Variants in RPTOR observed in about 807,000 individuals in gnomAD.
RPTOR encodes regulatory associated protein of MTOR complex 1, also known as regulatory-associated protein of mTOR.
Under a neutral mutation model 169.9 loss-of-function variants are expected in RPTOR, and 21 were observed. The ratio of observed to expected loss-of-function variants is 0.12; its 90% CI spans 0.09 to 0.18. The LOEUF (loss-of-function observed/expected upper bound fraction) is 0.18, where lower values mean the gene tolerates loss of function less well. Among genes scored for constraint, RPTOR ranks in the 10% least tolerant of loss-of-function variants. The probability of loss-of-function intolerance (pLI) is 1.00; values close to 1 mark genes in which losing one functional copy is unlikely to be tolerated. For missense variants in RPTOR, 1,133 were observed against 1,855.9 expected, an observed-to-expected ratio of 0.61 and a Z score of 7.16; for synonymous variants, 732 against 753.2, an observed-to-expected ratio of 0.97 and a Z score of 0.46.
intron 24 of RPTOR, among the ~76,000 whole-genome samples, chr17:80,930,898 C>T (rs1252273597): frequency 6.6e-6 from 1 of 152,224 alleles, no homozygotes; most frequent in Non-Finnish European, 1.5e-5. Context: ...GTAGTGCCAG[C>T]GCCTGTCTGG....
intron 5 of RPTOR, among the ~76,000 whole-genome samples, chr17:80,733,211 G>A (rs1769768727): frequency 6.6e-6 from 1 of 152,086 alleles, no homozygotes; most frequent in African/African-American, 2.4e-5. Flanking sequence ...ATACAGTATT[G>A]CACACACTTC....
intron 7 of RPTOR, among the ~76,000 whole-genome samples, chr17:80,797,187 C>T (rs952755578): frequency 6.6e-6 from 1 of 152,172 alleles, no homozygotes; most frequent in Non-Finnish European, 1.5e-5. Context: ...GGCTGGAATG[C>T]AGTGGTGCCG....
chr17:80,647,113 G>A (rs74000856), intron 3 of RPTOR, among the ~76,000 whole-genome samples: 3,377 of 152,286 alleles, frequency 0.022, 129 homozygotes, highest in African/African-American at 0.077. Flanking sequence ...AAGGCTGCCA[G>A]CCACTATCTG....
At chr17:80,660,903 C>T (rs753767990) in intron 3 of RPTOR, among the ~76,000 whole-genome samples, 2 of 150,430 alleles carry the variant, frequency 1.3e-5, no homozygotes, top group Non-Finnish European at 3.0e-5. Context: ...TGCCCTGTGG[C>T]TCTGGCTCAC....
chr17:80,807,292 C>G (rs1428336860), intron 7 of RPTOR, among the ~76,000 whole-genome samples: 1 of 152,168 alleles, frequency 6.6e-6, no homozygotes, highest in Non-Finnish European at 1.5e-5. Context: ...AGTCTGCCTC[C>G]TACTTGCTTC....
chr17:80,685,627 A>ATATATTTTTTT (rs1269766086), intron 3 of RPTOR, among the ~76,000 whole-genome samples: 1 of 30,682 alleles, frequency 3.3e-5, no homozygotes, highest in Non-Finnish European at 5.4e-5. Context: ...ATATATATAT[A>ATATATTTTTTT]TTTTTTTTTT....
rs767851838 is a variant in RPTOR at position 80,961,393 on chromosome 17, G to T, written c.3606-1G>T. 6.5e-7 allele frequency: 1 copy of T among 1,548,038 alleles called. No individual in the cohort carries two copies. On this transcript the variant is annotated splice_acceptor_variant, in intron 30 of 33. Transcript: ENST00000306801. LOFTEE classifies it high-confidence loss of function. ...CGCTGAGCGTGCCCCCTCCCCTACA[G>T]CCGCGTCATGACGTACCGGGAGCAC...
In RPTOR at chr17:80,707,828, TCTC is replaced by T. The variant is rs2066153349; in HGVS notation, c.349-10_349-8del. 1.9e-6 allele frequency: 3 copies of T among 1,606,438 alleles called. No homozygotes were observed. The highest frequency in any genetic ancestry group is 1.3e-5 in the African/African-American group (1 of 74,672). On this transcript the variant is annotated splice_polypyrimidine_tract_variant and intron_variant, in intron 3 of 33. Transcript: ENST00000306801. This position sits in a 1 kb window ranked among gnomAD's most constrained non-coding sequence, Gnocchi z 5.0. ...GTCCGTGGTAAATTTCTTCATTTCTTCTCCTGCAACAGGCCCGGTACAAGCAGA... is the reference window on the plus strand; with the variant it reads ...GTCCGTGGTAAATTTCTTCATTTCTTCTGCAACAGGCCCGGTACAAGCAGA...
At position 80,963,076 on chromosome 17, in the gene RPTOR, GGGGGTCGGGGGTCGGGGGCT is replaced by G; in HGVS notation, c.3939+25_3939+44del. On this transcript the variant is annotated intron_variant, in intron 33 of 33. Coordinates refer to ENST00000306801, the MANE Select transcript of RPTOR (RefSeq NM_020761.3). ...GCACTGGGTCAGTGTGGCGGTGGGT[GGGGGTCGGGGGTCGGGGGCT>G]GGGGTAGAGGGATGGGAGGCAAGGG... is the stretch of plus-strand genomic sequence containing the variant. 1.5e-6 allele frequency: 2 copies of G among 1,341,002 alleles called. No individual in the cohort carries two copies. Among genetic ancestry groups the G allele is most frequent in the Non-Finnish European group, 2.1e-6 (2 of 966,348 alleles). 83.1% of individuals were successfully genotyped at this position (1,341,002 alleles called of 1,614,324 possible). A position where few individuals can be genotyped will look rare whatever the true frequency, so the allele number is the denominator to read the frequency against.
At chr17:80,766,132 C>T (rs768087734) in intron 6 of RPTOR, among the ~76,000 whole-genome samples, 1 of 152,056 alleles carries the variant, frequency 6.6e-6, no homozygotes, top group South Asian at 2.1e-4. Context: ...CACGGCCCAC[C>T]GTAGTCTCAA....
chr17:80,709,195 T>G (rs540977514), intron 4 of RPTOR: 10 of 558,700 alleles, frequency 1.8e-5, no homozygotes, highest in Non-Finnish European at 2.3e-5. Context: ...TTGATTTTAA[T>G]TCCTTTCGTT....
chr17:80,825,953 G>C (rs1001653018), intron 9 of RPTOR, among the ~76,000 whole-genome samples: 1 of 152,190 alleles, frequency 6.6e-6, no homozygotes, highest in African/African-American at 2.4e-5. Flanking sequence ...GACACTGCTC[G>C]TGAGTGGAGC....
At chr17:80,801,021 A>G (rs1046677367) in intron 7 of RPTOR, among the ~76,000 whole-genome samples, 8 of 152,222 alleles carry the variant, frequency 5.3e-5, no homozygotes, top group African/African-American at 1.9e-4. Flanking sequence ...CTGCAGCCCC[A>G]CAGCCCTGGA....
intron 1 of RPTOR, among the ~76,000 whole-genome samples, chr17:80,611,771 A>T (rs1347113956): frequency 2.2e-3 from 317 of 145,872 alleles, no homozygotes; most frequent in Non-Finnish European, 3.7e-3. Flanking sequence ...TTTTTTTTTA[A>T]AAAAAACAAA....
intron 10 of RPTOR, 67 bp from the exon 11 acceptor site, chr17:80,846,406 G>A (rs2067730933): frequency 5.4e-6 from 8 of 1,483,452 alleles, no homozygotes; most frequent in Non-Finnish European, 7.5e-6. Flanking sequence ...GCAGGTGGCA[G>A]GGGTGGGCAA....
rs1281782583 is a variant in RPTOR at position 80,964,902 on chromosome 17, G to A, written c.*572G>A. 4 of 233,942 alleles carry A rather than the reference G, an allele frequency of 1.7e-5. No individual in the cohort carries two copies. The highest frequency in any genetic ancestry group is 1.2e-4 in the East Asian group (2 of 16,584). 14.5% of individuals were successfully genotyped at this position (233,942 alleles called of 1,614,324 possible). ...AACCAAGAGAGAGGAAGAAGGAGAC[G>A]CCCCTCCAACTGGCGGGTGTGAAGG... On this transcript the variant is annotated 3_prime_UTR_variant, in exon 34 of 34. Transcript: ENST00000306801.
intron 1 of RPTOR, among the ~76,000 whole-genome samples, chr17:80,555,270 G>A (rs1033572074): frequency 6.6e-6 from 1 of 152,214 alleles, no homozygotes; most frequent in African/African-American, 2.4e-5. Context: ...AAGAACTGTT[G>A]AGGTCTCTGG....
rs927298465 is a variant in RPTOR at position 80,816,343 on chromosome 17, G to A, written c.891-5858G>A. The stretch of plus-strand genomic sequence containing the variant: ...TGGCTGGCCCCAGTGCAGGACCAGA[G>A]AGCAGCTGAGGGCCTGGGGCCTCCG... On this transcript the variant is annotated intron_variant, in intron 7 of 33. Coordinates refer to ENST00000306801, the MANE Select transcript of RPTOR (RefSeq NM_020761.3). 3.3e-5 allele frequency among the ~76,000 whole-genome samples: 5 copies of A among 152,340 alleles called. 1 individual carries two copies. Among genetic ancestry groups the A allele is most frequent in the Admixed American group, 3.3e-4 (5 of 15,306 alleles).
intron 20 of RPTOR, among the ~76,000 whole-genome samples, chr17:80,907,529 C>G (rs929493291): frequency 6.6e-6 from 1 of 152,276 alleles, no homozygotes; most frequent in African/African-American, 2.4e-5. Context: ...CTCGGCCTCT[C>G]TGGGTCCAGC....
Sources: gnomAD v4.1 joint callset for allele counts (sites outside exome capture counted in the v4.1 genomes callset) on GRCh38, gnomAD v4.1.1 for gene constraint, Gnocchi (gnomAD v3.1) non-coding constraint, MANE v1.5 for transcripts, NCBI Gene and HGNC (gene_info 2026-07-23, HGNC 2026-07-21) for gene names.